TTC28: variants seen among roughly 807,000 people sequenced by gnomAD.
TTC28 encodes tetratricopeptide repeat protein 28.
A neutral mutation model predicts 198.0 loss-of-function variants in TTC28; 61 were observed. That is an observed-to-expected ratio of 0.31 (90% CI 0.25 to 0.38). The LOEUF is 0.38. TTC28 is among the 10% of genes least tolerant of loss of function. The pLI is 1.00. For missense variants in TTC28, 2,678 were observed against 3,164.0 expected, an observed-to-expected ratio of 0.85 and a Z score of 3.69; for synonymous variants, 1,171 against 1,297.8, an observed-to-expected ratio of 0.90 and a Z score of 2.10.
intron 2 of TTC28, among the ~76,000 whole-genome samples, chr22:28,325,487 G>A (rs1012004719): frequency 1.3e-5 from 2 of 152,044 alleles, no homozygotes; most frequent in Admixed American, 6.6e-5. Flanking sequence ...AGTTTTACAA[G>A]CAGGGCTTCC....
At chr22:28,613,520 C>A (rs1239465491) in intron 2 of TTC28, among the ~76,000 whole-genome samples, 2 of 152,194 alleles carry the variant, frequency 1.3e-5, no homozygotes, top group Admixed American at 6.5e-5. Context: ...AGACCAATAT[C>A]CCTGATGAGC....
intron 2 of TTC28, among the ~76,000 whole-genome samples, chr22:28,567,499 T>TATATAC (rs940195735): frequency 3.9e-5 from 5 of 129,042 alleles, no homozygotes; most frequent in African/African-American, 1.4e-4. Flanking sequence ...TATATATATA[T>TATATAC]ATATATATAT....
chr22:28,136,921 T>C (rs1008152477), intron 6 of TTC28, among the ~76,000 whole-genome samples: 3 of 152,114 alleles, frequency 2.0e-5, no homozygotes, highest in African/African-American at 7.2e-5. Flanking sequence ...GGAGTACCGC[T>C]TAAATCATAA....
intron 2 of TTC28, among the ~76,000 whole-genome samples, chr22:28,348,979 C>T (rs1331905196): frequency 6.6e-6 from 1 of 152,170 alleles, no homozygotes; most frequent in African/African-American, 2.4e-5. Context: ...AAGACCACCT[C>T]AAATGACACA....
At chr22:27,993,557 G>A in intron 17 of TTC28, 39 bp from the exon 18 acceptor site, 1 of 1,502,276 alleles carries the variant, frequency 6.7e-7, no homozygotes, top group Non-Finnish European at 9.0e-7. Flanking sequence ...ACCCAGGCCA[G>A]CCCTGGTTTC....
intron 1 of TTC28, among the ~76,000 whole-genome samples, chr22:28,632,843 A>G (rs1188384874): frequency 2.0e-5 from 3 of 151,968 alleles, no homozygotes; most frequent in Non-Finnish European, 4.4e-5. Flanking sequence ...ATTGCAGAGT[A>G]GGCTGGGCTC....
At chr22:28,487,237 TTAA>T (rs1353557734) in intron 2 of TTC28, among the ~76,000 whole-genome samples, 2 of 152,092 alleles carry the variant, frequency 1.3e-5, no homozygotes, top group African/African-American at 4.8e-5. Flanking sequence ...TTATCATTTT[TTAA>T]TAATAAGATT....
intron 5 of TTC28, among the ~76,000 whole-genome samples, chr22:28,239,623 A>G (rs1025129289): frequency 6.6e-6 from 1 of 152,222 alleles, no homozygotes; most frequent in Non-Finnish European, 1.5e-5. Flanking sequence ...GAGAGCATGA[A>G]GCCTATGGAG....
chr22:28,540,147 C>T (rs932211723), intron 2 of TTC28, among the ~76,000 whole-genome samples: 37 of 151,896 alleles, frequency 2.4e-4, no homozygotes, highest in African/African-American at 9.0e-4. Context: ...GGGGTTTCAT[C>T]GTATTAGCCA....
At chr22:28,436,707 T>C (rs2047525936) in intron 2 of TTC28, among the ~76,000 whole-genome samples, 1 of 152,200 alleles carries the variant, frequency 6.6e-6, no homozygotes, top group Non-Finnish European at 1.5e-5. Context: ...AGAGTCACAC[T>C]AAGAGCTAGG....
intron 12 of TTC28, among the ~76,000 whole-genome samples, chr22:28,067,677 T>C (rs575587264): frequency 2.0e-5 from 3 of 152,302 alleles, no homozygotes; most frequent in East Asian, 1.9e-4. Context: ...ATTCACCAAA[T>C]AGTTGCTAAG....
chr22:28,034,585 C>T (rs149355196), intron 12 of TTC28, among the ~76,000 whole-genome samples: 163 of 152,276 alleles, frequency 1.1e-3, no homozygotes, highest in African/African-American at 3.8e-3. Flanking sequence ...TGGCACTTGC[C>T]CATCAGCCAG....
chr22:28,440,959 C>CTGAAGAA (rs2047611728), intron 2 of TTC28, among the ~76,000 whole-genome samples: 1 of 152,150 alleles, frequency 6.6e-6, no homozygotes, highest in South Asian at 2.1e-4. Context: ...ATTTTTTAAT[C>CTGAAGAA]TTTTATGAAC....
intron 5 of TTC28, among the ~76,000 whole-genome samples, chr22:28,217,607 A>G (rs1471679717): frequency 6.6e-6 from 1 of 152,222 alleles, no homozygotes; most frequent in Non-Finnish European, 1.5e-5. Flanking sequence ...TCTGCTTATA[A>G]TATTTTATTT....
At chr22:28,275,398 T>C (rs1169672897) in intron 5 of TTC28, among the ~76,000 whole-genome samples, 1 of 152,200 alleles carries the variant, frequency 6.6e-6, no homozygotes, top group Non-Finnish European at 1.5e-5. Flanking sequence ...AATTTGGTAG[T>C]TGTTTTTCTT....
intron 1 of TTC28, among the ~76,000 whole-genome samples, chr22:28,635,329 A>T (rs544107843): frequency 6.6e-6 from 1 of 152,238 alleles, no homozygotes; most frequent in East Asian, 1.9e-4. Flanking sequence ...TCAAAAAAAC[A>T]AAACAAAGCA....
intron 2 of TTC28, among the ~76,000 whole-genome samples, chr22:28,385,984 A>T (rs1246817246): frequency 1.3e-5 from 2 of 152,192 alleles, no homozygotes; most frequent in African/African-American, 4.8e-5. Context: ...TTCTATAAGA[A>T]GGCTTCACCA....
At chr22:28,603,829 G>C (rs908736541) in intron 2 of TTC28, among the ~76,000 whole-genome samples, 4 of 152,004 alleles carry the variant, frequency 2.6e-5, no homozygotes, top group African/African-American at 9.7e-5. Flanking sequence ...TTTAACCTGT[G>C]ACTAAATTTA....
At chr22:28,615,321 G>C (rs1221807715) in intron 2 of TTC28, among the ~76,000 whole-genome samples, 1 of 152,166 alleles carries the variant, frequency 6.6e-6, no homozygotes, top group African/African-American at 2.4e-5. Flanking sequence ...AGAGGATGTG[G>C]AGAAATAGGA....
Sources: gnomAD v4.1 joint callset for allele counts (sites outside exome capture counted in the v4.1 genomes callset) on GRCh38, gnomAD v4.1.1 for gene constraint, MANE v1.5 for transcripts, NCBI Gene and HGNC (gene_info 2026-07-23, HGNC 2026-07-21) for gene names.